The following ARB2A variants were observed in gnomAD, a reference collection of about 807,000 sequenced individuals.
ARB2A encodes the protein cotranscriptional regulator ARB2A.
At chr5:93,666,557 T>C in the ARB2A span, among the ~76,000 whole-genome samples, 3 of 151,954 alleles carry the variant, frequency 2.0e-5, no homozygotes, top group African/African-American at 7.2e-5. Flanking sequence ...CTTGTCCTGG[T>C]CCATTTAACA....
the ARB2A span, among the ~76,000 whole-genome samples, chr5:94,031,876 G>A: frequency 6.6e-6 from 1 of 152,206 alleles, no homozygotes; most frequent in Non-Finnish European, 1.5e-5. Flanking sequence ...AACCTTTGTG[G>A]CACAATGCCA....
chr5:94,035,533 T>G, the ARB2A span, among the ~76,000 whole-genome samples: 1 of 152,178 alleles, frequency 6.6e-6, no homozygotes, highest in African/African-American at 2.4e-5. Context: ...GTAAGTTAAT[T>G]TTAACATTTC....
the ARB2A span, among the ~76,000 whole-genome samples, chr5:93,642,805 C>T: frequency 1.3e-5 from 2 of 152,282 alleles, no homozygotes; most frequent in South Asian, 4.1e-4. Context: ...CAGGCATGAG[C>T]CACTGTGTCC....
chr5:93,830,898 G>A, the ARB2A span, among the ~76,000 whole-genome samples: 4 of 152,140 alleles, frequency 2.6e-5, no homozygotes, highest in African/African-American at 9.7e-5. Flanking sequence ...TGGGAGCTCT[G>A]AGCTTGTTTT....
the ARB2A span, among the ~76,000 whole-genome samples, chr5:93,761,143 G>A: frequency 2.0e-5 from 3 of 152,236 alleles, no homozygotes; most frequent in East Asian, 1.9e-4. Context: ...CGCAGAAGAC[G>A]GGTGATTTCT....
chr5:93,950,471 C>T, the ARB2A span, among the ~76,000 whole-genome samples: 32 of 151,742 alleles, frequency 2.1e-4, no homozygotes, highest in East Asian at 6.0e-3. Flanking sequence ...GGTGAAACCC[C>T]GTCTCTACAA....
At chr5:93,927,382 C>G in the ARB2A span, among the ~76,000 whole-genome samples, 2 of 152,242 alleles carry the variant, frequency 1.3e-5, no homozygotes, top group South Asian at 2.1e-4. Flanking sequence ...TCATTCTTCC[C>G]CAGCATAGGG....
the ARB2A span, among the ~76,000 whole-genome samples, chr5:93,965,751 A>C: frequency 6.6e-6 from 1 of 152,090 alleles, no homozygotes; most frequent in African/African-American, 2.4e-5. Context: ...AAACAAAATC[A>C]CAGGATGATT....
At chr5:93,649,885 C>T in the ARB2A span, among the ~76,000 whole-genome samples, 6 of 152,012 alleles carry the variant, frequency 3.9e-5, no homozygotes, top group Non-Finnish European at 8.8e-5. Flanking sequence ...GTTGTAAAAC[C>T]AAGCCTGAAC....
At chr5:94,095,688 TA>T in the ARB2A span, among the ~76,000 whole-genome samples, 146 of 152,094 alleles carry the variant, frequency 9.6e-4, no homozygotes, top group African/African-American at 3.4e-3. Context: ...AACACTCCCA[TA>T]GTATCCTATA....
At chr5:93,887,889 T>C in the ARB2A span, among the ~76,000 whole-genome samples, 2 of 151,866 alleles carry the variant, frequency 1.3e-5, no homozygotes, top group East Asian at 3.9e-4. Context: ...CCTTGGTTAC[T>C]GAACCGCTGT....
chr5:93,987,652 A>G, the ARB2A span, among the ~76,000 whole-genome samples: 1 of 152,154 alleles, frequency 6.6e-6, no homozygotes, highest in Admixed American at 6.5e-5. Context: ...CCAACTTTCC[A>G]TTAGCATCCC....
chr5:93,894,931 T>C, the ARB2A span, among the ~76,000 whole-genome samples: 2 of 152,186 alleles, frequency 1.3e-5, no homozygotes, highest in African/African-American at 4.8e-5. Flanking sequence ...GCCACCTATC[T>C]GCAGATTAGC....
At chr5:93,714,599 A>T in the ARB2A span, among the ~76,000 whole-genome samples, 2 of 152,194 alleles carry the variant, frequency 1.3e-5, no homozygotes, top group Non-Finnish European at 2.9e-5. Context: ...CCTCATTTTA[A>T]GTTAATTCCA....
At chr5:94,098,738 A>AAT in the ARB2A span, among the ~76,000 whole-genome samples, 1 of 152,178 alleles carries the variant, frequency 6.6e-6, no homozygotes, top group Non-Finnish European at 1.5e-5. Flanking sequence ...TAGCTAGGCT[A>AAT]ATTAAGAAGA....
the ARB2A span, among the ~76,000 whole-genome samples, chr5:94,094,059 T>A: frequency 6.6e-6 from 1 of 152,200 alleles, no homozygotes; most frequent in South Asian, 2.1e-4. Context: ...CCCTCTCTAT[T>A]TTCCAGTTCC....
chr5:93,741,763 C>T, the ARB2A span: 3 of 557,822 alleles, frequency 5.4e-6, no homozygotes, highest in Non-Finnish European at 9.1e-6. Flanking sequence ...AGCCCCCTAC[C>T]CTGACCTTTG....
At chr5:93,959,906 C>G in the ARB2A span, among the ~76,000 whole-genome samples, 1 of 151,994 alleles carries the variant, frequency 6.6e-6, no homozygotes, top group Admixed American at 6.6e-5. Context: ...TGGCGAGTGA[C>G]TGGAAATGGA....
At chr5:94,097,137 G>A in the ARB2A span, among the ~76,000 whole-genome samples, 2 of 152,206 alleles carry the variant, frequency 1.3e-5, no homozygotes, top group Non-Finnish European at 2.9e-5. Context: ...CCTCTACGCG[G>A]CTTTAGCATA....
Sources: gnomAD v4.1 joint callset for allele counts (sites outside exome capture counted in the v4.1 genomes callset) on GRCh38, gnomAD v4.1.1 for gene constraint, MANE v1.5 for transcripts, NCBI Gene and HGNC (gene_info 2026-07-23, HGNC 2026-07-21) for gene names.